Variants in ASPH observed in about 807,000 individuals in gnomAD.
ASPH encodes aspartyl/asparaginyl beta-hydroxylase.
ASPH carries 100 observed loss-of-function variants against 118.4 expected under a neutral mutation model. That is an observed-to-expected ratio of 0.84 (90% CI 0.72 to 1.00). The LOEUF (loss-of-function observed/expected upper bound fraction) is 1.00. Among genes scored for constraint, ASPH ranks in the 50% least tolerant of loss-of-function variants. ASPH has a pLI of 0.00. For synonymous variants in ASPH, 315 were observed against 325.6 expected, an observed-to-expected ratio of 0.97 and a Z score of 0.35; for missense variants, 920 against 919.5, an observed-to-expected ratio of 1.00 and a Z score of -0.01.
At chr8:61,543,106 A>G (rs1041615149) in intron 21 of ASPH, among the ~76,000 whole-genome samples, 3 of 152,164 alleles carry the variant, frequency 2.0e-5, no homozygotes, top group African/African-American at 7.2e-5. Flanking sequence ...GTGTCTAGGT[A>G]TGTTTCTGAG....
intron 14 of ASPH, among the ~76,000 whole-genome samples, chr8:61,596,334 GC>G (rs1337684792): frequency 6.6e-6 from 1 of 152,212 alleles, no homozygotes; most frequent in Admixed American, 6.5e-5. Context: ...ACACTTGAGA[GC>G]CTGAGGGTTG....
intron 14 of ASPH, among the ~76,000 whole-genome samples, chr8:61,609,967 A>G (rs1431097855): frequency 6.6e-6 from 1 of 152,250 alleles, no homozygotes; most frequent in Non-Finnish European, 1.5e-5. Context: ...TTGCCTCAGT[A>G]TAGAAATAGA....
In ASPH at chr8:61,646,992, C is replaced by T. The variant is rs753301824; in HGVS notation, c.491-114G>A. ...CTGGGGCTTCCCCTGCCCCTCCTTT[C>T]GGCCGCTGAAGACACCATTGTCCAC... On this transcript the variant is annotated intron_variant, in intron 5 of 24. Coordinates refer to ENST00000379454, the MANE Select transcript of ASPH (RefSeq NM_004318.4). The T allele has an allele frequency of 3.1e-4, 438 of 1,406,332 alleles. 1 individual carries two copies. The highest frequency in any genetic ancestry group is 1.4e-3 in the Middle Eastern group (8 of 5,546). The allele number at this position is 1,406,332 out of a possible 1,614,324, so 87.1% of individuals were successfully genotyped here. A position where few individuals can be genotyped will look rare whatever the true frequency, so the allele number is the denominator to read the frequency against.
chr8:61,693,884 G>C (rs1323958044), intron 1 of ASPH, among the ~76,000 whole-genome samples: 1 of 152,046 alleles, frequency 6.6e-6, no homozygotes, highest in African/African-American at 2.4e-5. Context: ...AGTTCACTGC[G>C]TGGACTGCCG....
intron 21 of ASPH, among the ~76,000 whole-genome samples, chr8:61,543,806 CTATT>C (rs1443674948): frequency 2.6e-5 from 4 of 152,134 alleles, no homozygotes; most frequent in East Asian, 1.9e-4. Flanking sequence ...ATCGTTGTCA[CTATT>C]TGTTTGTTTA....
chr8:61,713,242 T>C (rs534882041), intron 1 of ASPH, among the ~76,000 whole-genome samples: 9 of 152,344 alleles, frequency 5.9e-5, no homozygotes, highest in African/African-American at 1.7e-4. Context: ...CAAATATTTA[T>C]TGAGCACCTA....
At chr8:61,663,095 T>C (rs1446345719) in intron 3 of ASPH, 2 of 985,282 alleles carry the variant, frequency 2.0e-6, no homozygotes, top group South Asian at 9.4e-5. Context: ...ACATTCCATT[T>C]ATCTCAGGAG....
At chr8:61,550,171 A>G (rs1825418719) in intron 20 of ASPH, among the ~76,000 whole-genome samples, 1 of 152,208 alleles carries the variant, frequency 6.6e-6, no homozygotes, top group African/African-American at 2.4e-5. Context: ...GCTTTTTAAA[A>G]AAAACCTAAA....
At chr8:61,564,219 A>G (rs1830875709) in intron 17 of ASPH, among the ~76,000 whole-genome samples, 1 of 152,084 alleles carries the variant, frequency 6.6e-6, no homozygotes, top group Admixed American at 6.5e-5. Flanking sequence ...TTAACACTTT[A>G]GTGACAGAAT....
chr8:61,665,572 C>T lies in ASPH; in HGVS notation c.323-11912G>A, dbSNP rs773474161. 5 of 1,595,370 alleles carry T rather than the reference C, an allele frequency of 3.1e-6. No homozygotes were observed. In the East Asian group the frequency reaches 1.1e-4, roughly 36 times the overall value. On this transcript the variant is annotated intron_variant, in intron 3 of 24. Coordinates refer to ENST00000379454, the MANE Select transcript of ASPH (RefSeq NM_004318.4). Reference sequence around the variant, plus strand: ...CCTTCCTTGACTCAGGTTTCTCTTTCTCCTTCTTGAGCTCTTCTTTAGTGA... The same window carrying T: ...CCTTCCTTGACTCAGGTTTCTCTTTTTCCTTCTTGAGCTCTTCTTTAGTGA...
intron 4 of ASPH, among the ~76,000 whole-genome samples, chr8:61,652,808 A>G (rs958064179): frequency 1.3e-5 from 2 of 152,228 alleles, no homozygotes; most frequent in African/African-American, 2.4e-5. Flanking sequence ...TTAAAAATTC[A>G]ACAAATAACA....
At chr8:61,574,894 T>C (rs1369872516) in intron 16 of ASPH, among the ~76,000 whole-genome samples, 1 of 152,082 alleles carries the variant, frequency 6.6e-6, no homozygotes, top group Non-Finnish European at 1.5e-5. Context: ...AACCCTCCCA[T>C]GGCTTCTCAG....
chr8:61,585,822 C>T (rs1839274254), intron 14 of ASPH, among the ~76,000 whole-genome samples: 1 of 152,184 alleles, frequency 6.6e-6, no homozygotes, highest in South Asian at 2.1e-4. Context: ...GTCTGAGTCC[C>T]AGCTCTGTCA....
chr8:61,637,442 T>C (rs906506679), intron 12 of ASPH, among the ~76,000 whole-genome samples: 2 of 152,174 alleles, frequency 1.3e-5, no homozygotes, highest in Non-Finnish European at 2.9e-5. Flanking sequence ...AACTAAGAAC[T>C]GTATTTAAAT....
At position 61,508,206 on chromosome 8, in the gene ASPH, G is replaced by C. The variant is rs552025567; in HGVS notation, c.2127-4697C>G. On this transcript the variant is annotated intron_variant, in intron 24 of 24. Coordinates refer to ENST00000379454, the MANE Select transcript of ASPH (RefSeq NM_004318.4). Reference sequence around the variant, plus strand: ...ATTTTTGGATTTTTTTGTAGAGATGGGGTTTCCCCATGTTGCCCAGGCTGC... The same window carrying C: ...ATTTTTGGATTTTTTTGTAGAGATGCGGTTTCCCCATGTTGCCCAGGCTGC... Among the ~76,000 whole-genome samples the C allele has an allele frequency of 2.0e-5, 3 of 152,186 alleles. No individual in the cohort carries two copies. In the East Asian group the frequency reaches 5.8e-4, roughly 29 times the overall value.
intron 3 of ASPH, chr8:61,665,042 T>C (rs1818828836): frequency 3.1e-6 from 4 of 1,300,684 alleles, no homozygotes; most frequent in Non-Finnish European, 3.9e-6. Context: ...TACATCATAT[T>C]CTATGACATT....
chr8:61,603,299 T>G (rs962069127), intron 14 of ASPH, among the ~76,000 whole-genome samples: 4 of 152,104 alleles, frequency 2.6e-5, no homozygotes, highest in Non-Finnish European at 4.4e-5. Flanking sequence ...TTTCCCTGAT[T>G]GTCTTAAAAA....
Position 61,548,128 on chromosome 8 carries a change from T to C in ASPH, c.1707A>G (p.Gly569=), listed in dbSNP as rs1824578153. The change falls in exon 21 of 25, where the codon GGA becomes GGG. Residue 569 remains glycine, a synonymous_variant. Coordinates refer to ENST00000379454, the MANE Select transcript of ASPH (RefSeq NM_004318.4). ...GGGTCCACCAAGGCTGTGCTTTCAG[T>C]CCATTCACATTGTAGAGTGAGCGTT... is the stretch of plus-strand genomic sequence containing the variant. ...VWQRSLYNVN[G]LKAQPWWTPK... 3 of 1,613,936 alleles carry C rather than the reference T, an allele frequency of 1.9e-6. No homozygotes were observed. The highest frequency in any genetic ancestry group is 2.5e-6 in the Non-Finnish European group (3 of 1,179,932).
At chr8:61,625,173 C>T in intron 13 of ASPH, 7 of 985,596 alleles carry the variant, frequency 7.1e-6, no homozygotes, top group Non-Finnish European at 8.4e-6. Context: ...TCTTTTCTGA[C>T]AAAGGATTAT....
Sources: gnomAD v4.1 joint callset for allele counts (sites outside exome capture counted in the v4.1 genomes callset) on GRCh38, gnomAD v4.1.1 for gene constraint, MANE v1.5 for transcripts, NCBI Gene and HGNC (gene_info 2026-07-23, HGNC 2026-07-21) for gene names.